Variants in WDR27 observed in about 807,000 individuals in gnomAD.
WDR27 encodes the protein WD repeat domain 27.
A neutral mutation model predicts 114.4 loss-of-function variants in WDR27; 100 were observed. The observed-to-expected ratio is 0.87, with a 90% CI of 0.74 to 1.03. WDR27 has a LOEUF of 1.03. Ranked by LOEUF, WDR27 falls within the 50% of genes least tolerant of loss-of-function variation. The pLI, the probability that WDR27 is intolerant of heterozygous loss-of-function variation, is 0.00. For synonymous variants in WDR27, 449 were observed against 423.1 expected (o/e 1.06, Z -0.75); for missense variants, 1,129 against 1,092.9 (o/e 1.03, Z -0.47).
At chr6:169,580,237 A>G (rs1052759627) in intron 24 of WDR27, among the ~76,000 whole-genome samples, 7 of 152,270 alleles carry the variant, frequency 4.6e-5, no homozygotes, top group African/African-American at 1.7e-4. Context: ...ATATACCGCT[A>G]AATGGAATCA....
intron 2 of WDR27, among the ~76,000 whole-genome samples, chr6:169,688,436 T>C (rs892989475): frequency 5.9e-5 from 9 of 152,168 alleles, no homozygotes; most frequent in African/African-American, 1.7e-4. Flanking sequence ...CATTTAGTTA[T>C]AGTCATTACA....
chr6:169,667,359 T>A, intron 5 of WDR27, 172 bp from the exon 6 acceptor site: 4 of 1,229,324 alleles, frequency 3.3e-6, no homozygotes, highest in Non-Finnish European at 3.0e-6. Context: ...CCATAAAATA[T>A]GTCAGAATCA....
At chr6:169,436,590 T>C in the WDR27 span, among the ~76,000 whole-genome samples, 1 of 152,076 alleles carries the variant, frequency 6.6e-6, no homozygotes, top group African/African-American at 2.4e-5. Flanking sequence ...ATGTCTCAGT[T>C]TTCATAAAGT....
chr6:169,587,943 G>A (rs541410646), intron 23 of WDR27, among the ~76,000 whole-genome samples: 27 of 152,290 alleles, frequency 1.8e-4, no homozygotes, highest in Middle Eastern at 3.4e-3. Context: ...CTGTAAAGCC[G>A]TGGCTTTCCC....
chr6:169,468,778 G>A (rs1785940258), intron 25 of WDR27, among the ~76,000 whole-genome samples: 1 of 152,136 alleles, frequency 6.6e-6, no homozygotes, highest in South Asian at 2.1e-4. Flanking sequence ...AACATAGATG[G>A]GGGGCCTAAA....
chr6:169,600,211 T>C (rs1807676424), intron 23 of WDR27, among the ~76,000 whole-genome samples: 1 of 152,164 alleles, frequency 6.6e-6, no homozygotes, highest in Non-Finnish European at 1.5e-5. Flanking sequence ...ATAGGCATGG[T>C]GTGGACCTCC....
At chr6:169,468,487 A>G (rs1403658456) in intron 25 of WDR27, among the ~76,000 whole-genome samples, 2 of 152,188 alleles carry the variant, frequency 1.3e-5, no homozygotes, top group Non-Finnish European at 2.9e-5. Flanking sequence ...TTACAAAACC[A>G]TCAGCTCTTG....
intron 25 of WDR27, among the ~76,000 whole-genome samples, chr6:169,497,114 AG>A (rs1250701250): frequency 6.6e-6 from 1 of 152,188 alleles, no homozygotes; most frequent in Admixed American, 6.5e-5. Flanking sequence ...AATTAAATAG[AG>A]AGCCCAGAAA....
At chr6:169,518,721 T>C (rs921514369) in intron 25 of WDR27, among the ~76,000 whole-genome samples, 2 of 152,242 alleles carry the variant, frequency 1.3e-5, no homozygotes, top group African/African-American at 4.8e-5. Context: ...CAAGTTTCTC[T>C]AGGAAGTGGT....
chr6:169,577,358 C>A (rs1273181529), intron 24 of WDR27, among the ~76,000 whole-genome samples: 1 of 152,192 alleles, frequency 6.6e-6, no homozygotes, highest in Non-Finnish European at 1.5e-5. Context: ...GTCCACACCA[C>A]GGTCCGGGCA....
intron 21 of WDR27, among the ~76,000 whole-genome samples, chr6:169,620,024 G>C (rs933923127): frequency 6.6e-5 from 10 of 152,180 alleles, no homozygotes; most frequent in Admixed American, 6.5e-4. Context: ...GCCAGAGCCA[G>C]GTTGGAAAAT....
chr6:169,633,660 G>A (rs1319983857), intron 20 of WDR27, among the ~76,000 whole-genome samples: 1 of 152,216 alleles, frequency 6.6e-6, no homozygotes, highest in African/African-American at 2.4e-5. Context: ...TGTATAGGTG[G>A]TGGGAACCCA....
chr6:169,670,039 A>T (rs7766146), intron 4 of WDR27: 21,951 of 152,328 alleles, frequency 0.14, 2,053 homozygotes, highest in East Asian at 0.29. Flanking sequence ...CAGAGGAAAC[A>T]AAAGTCCTCC....
At chr6:169,602,779 T>G (rs556069069) in intron 22 of WDR27, among the ~76,000 whole-genome samples, 2 of 152,300 alleles carry the variant, frequency 1.3e-5, no homozygotes, top group African/African-American at 4.8e-5. Context: ...GAAATTCTTG[T>G]TATTTCTTGT....
chr6:169,528,423 T>C (rs1324414371), intron 25 of WDR27, among the ~76,000 whole-genome samples: 7 of 152,192 alleles, frequency 4.6e-5, no homozygotes. Context: ...AGGCAGGAAG[T>C]GAGTGGCTCC....
chr6:169,655,166 A>G (rs940867055), intron 13 of WDR27, among the ~76,000 whole-genome samples: 8 of 152,312 alleles, frequency 5.3e-5, no homozygotes, highest in Admixed American at 5.2e-4. Flanking sequence ...CTTGTCTCAC[A>G]CTGGGTAAGC....
intron 23 of WDR27, among the ~76,000 whole-genome samples, chr6:169,583,981 G>C (rs1483775146): frequency 1.3e-5 from 2 of 152,050 alleles, no homozygotes; most frequent in Non-Finnish European, 2.9e-5. Flanking sequence ...TTACTAACTT[G>C]AGCACTCATG....
chr6:169,489,340 G>C (rs1789408407), intron 25 of WDR27, among the ~76,000 whole-genome samples: 1 of 152,188 alleles, frequency 6.6e-6, no homozygotes, highest in Non-Finnish European at 1.5e-5. Flanking sequence ...AAAAGCCTAA[G>C]ACAGTTTGTA....
At chr6:169,457,810 A>T (rs918753347) in intron 25 of WDR27, among the ~76,000 whole-genome samples, 176 bp from the exon 26 acceptor site, 1 of 152,230 alleles carries the variant, frequency 6.6e-6, no homozygotes, top group African/African-American at 2.4e-5. Context: ...GCTGATGATT[A>T]ATTAATTCAA....
Sources: allele counts gnomAD v4.1 joint callset (sites outside exome capture counted in the v4.1 genomes callset), GRCh38; gene constraint gnomAD v4.1.1; transcripts MANE v1.5; gene names NCBI Gene and HGNC (gene_info 2026-07-23, HGNC 2026-07-21).